The following DRC10 variants were observed in gnomAD, a reference collection of about 807,000 sequenced individuals.
DRC10 encodes IQ domain-containing protein D.
At chr12:113,202,410 C>T in the DRC10 span, among the ~76,000 whole-genome samples, 1 of 152,100 alleles carries the variant, frequency 6.6e-6, no homozygotes, top group Non-Finnish European at 1.5e-5. Context: ...TTTCCCAGGG[C>T]CTTGAACCTT....
chr12:113,212,043 T>C, the DRC10 span, among the ~76,000 whole-genome samples: 84 of 149,506 alleles, frequency 5.6e-4, no homozygotes, highest in East Asian at 0.016. Context: ...CCAGCCTGGG[T>C]GACAGAGCGA....
chr12:113,208,049 A>G, the DRC10 span: 1 of 1,614,220 alleles, frequency 6.2e-7, no homozygotes. Flanking sequence ...TTGGTCCTAG[A>G]GAGAACCAAG....
the DRC10 span, among the ~76,000 whole-genome samples, chr12:113,217,667 G>T: frequency 6.6e-6 from 1 of 152,204 alleles, no homozygotes; most frequent in African/African-American, 2.4e-5. Flanking sequence ...AAGTAGCTGG[G>T]ATTACAGGTG....
At chr12:113,216,924 A>ACGT in the DRC10 span, among the ~76,000 whole-genome samples, 2 of 152,058 alleles carry the variant, frequency 1.3e-5, no homozygotes, top group Non-Finnish European at 1.5e-5. Flanking sequence ...CCCAGTCTCT[A>ACGT]CTAAAAATAC....
At chr12:113,216,786 G>C in the DRC10 span, among the ~76,000 whole-genome samples, 587 of 152,236 alleles carry the variant, frequency 3.9e-3, 5 homozygotes, top group African/African-American at 0.013. Context: ...AACGAAACAG[G>C]GTTGGGTGCG....
chr12:113,219,792 C>CTTTA, the DRC10 span, among the ~76,000 whole-genome samples: 6 of 149,238 alleles, frequency 4.0e-5, no homozygotes, highest in African/African-American at 1.0e-4. Flanking sequence ...CCCACCTCAG[C>CTTTA]CTTATTTATT....
the DRC10 span, chr12:113,200,755 T>C: frequency 8.5e-6 from 13 of 1,536,028 alleles, no homozygotes; most frequent in African/African-American, 9.6e-5. Flanking sequence ...CTCTGAGAAC[T>C]TGAGCACCTG....
At chr12:113,213,716 T>C in the DRC10 span, among the ~76,000 whole-genome samples, 1 of 152,250 alleles carries the variant, frequency 6.6e-6, no homozygotes, top group African/African-American at 2.4e-5. Flanking sequence ...GCCACCACTT[T>C]GGGAGGCTAA....
chr12:113,199,216 C>T, the DRC10 span, among the ~76,000 whole-genome samples: 2 of 152,214 alleles, frequency 1.3e-5, no homozygotes, highest in East Asian at 3.9e-4. Flanking sequence ...GGATTACAGG[C>T]GTGAGCCACT....
the DRC10 span, chr12:113,208,426 G>A: frequency 1.7e-6 from 2 of 1,173,066 alleles, no homozygotes; most frequent in Non-Finnish European, 2.2e-6. Context: ...AGGGTGTTAG[G>A]GCCACAAGGG....
At chr12:113,214,719 C>T in the DRC10 span, among the ~76,000 whole-genome samples, 1 of 151,992 alleles carries the variant, frequency 6.6e-6, no homozygotes, top group Non-Finnish European at 1.5e-5. Context: ...TGTAGGCCAA[C>T]AATTGGCCTA....
chr12:113,214,822 G>GTT, the DRC10 span, among the ~76,000 whole-genome samples: 1 of 149,506 alleles, frequency 6.7e-6, no homozygotes, highest in Admixed American at 6.7e-5. Flanking sequence ...TAGTTGAGTG[G>GTT]TTTTTTTTTT....
chr12:113,205,066 CT>C, the DRC10 span, among the ~76,000 whole-genome samples: 1 of 152,194 alleles, frequency 6.6e-6, no homozygotes, highest in Middle Eastern at 3.4e-3. Context: ...GTAACACTCC[CT>C]TTGAGAAGTA....
At chr12:113,197,606 ATTTC>A in the DRC10 span, 1 of 1,525,968 alleles carries the variant, frequency 6.6e-7, no homozygotes, top group Non-Finnish European at 8.8e-7. Context: ...TCCACTTTAT[ATTTC>A]TTCTAGAAAA....
chr12:113,204,109 C>T, the DRC10 span, among the ~76,000 whole-genome samples: 3 of 152,238 alleles, frequency 2.0e-5, no homozygotes, highest in East Asian at 1.9e-4. Context: ...AGAGTGGTGG[C>T]GCATGCCTGT....
the DRC10 span, chr12:113,200,540 A>AG: frequency 1.7e-6 from 1 of 576,792 alleles, no homozygotes; most frequent in Non-Finnish European, 3.1e-6. Flanking sequence ...CCCCCCCACC[A>AG]GGGGCCCCCT....
At chr12:113,201,061 T>A in the DRC10 span, among the ~76,000 whole-genome samples, 2 of 152,026 alleles carry the variant, frequency 1.3e-5, no homozygotes, top group Non-Finnish European at 2.9e-5. Context: ...ATCACTTGAA[T>A]ACAGGAAGTA....
chr12:113,204,529 G>A, the DRC10 span, among the ~76,000 whole-genome samples: 1 of 152,246 alleles, frequency 6.6e-6, no homozygotes, highest in Non-Finnish European at 1.5e-5. Flanking sequence ...CATATTGTTT[G>A]TGGCTGCTTT....
At chr12:113,195,911 G>T in the DRC10 span, 1 of 1,578,652 alleles carries the variant, frequency 6.3e-7, no homozygotes, top group African/African-American at 1.3e-5. Flanking sequence ...GGTGGGGCTG[G>T]GGTCACCACA....
Sources: allele counts gnomAD v4.1 joint callset (sites outside exome capture counted in the v4.1 genomes callset), GRCh38; gene constraint gnomAD v4.1.1; transcripts MANE v1.5; gene names NCBI Gene and HGNC (gene_info 2026-07-23, HGNC 2026-07-21).